Variants in MROH6 observed in about 807,000 individuals in gnomAD.
MROH6 encodes maestro heat like repeat family member 6.
MROH6 carries 62 observed loss-of-function variants against 67.7 expected under a neutral mutation model. That is an observed-to-expected ratio of 0.92 (90% confidence interval 0.75 to 1.13). MROH6 has a LOEUF of 1.13. Among genes scored for constraint, MROH6 ranks in the 50% most tolerant of loss-of-function variants. The probability of loss-of-function intolerance (pLI) is 0.00; values close to 1 mark genes in which losing one functional copy is unlikely to be tolerated. For missense variants in MROH6, 1,175 were observed against 1,029.1 expected, an observed-to-expected ratio of 1.14 and a Z score of -1.94; for synonymous variants, 566 against 470.8, an observed-to-expected ratio of 1.20 and a Z score of -2.62.
At chr8:143,568,499 G>A in intron 10 of MROH6, 53 bp downstream of exon 10, 2 of 1,472,402 alleles carry the variant, frequency 1.4e-6, no homozygotes, top group East Asian at 2.4e-5. Flanking sequence ...GGCACGGTGG[G>A]AGTGGTGAGT....
chr8:143,571,840 G>C lies in MROH6; in HGVS notation c.448-19C>G. ...CATGCACCTGGTGGGGAAGGGGGCA[G>C]ACTTCAGCAGTCAGGCCTCCTCCAC... On this transcript the variant is annotated intron_variant, in intron 2 of 13. Coordinates refer to ENST00000398882, the MANE Select transcript of MROH6 (RefSeq NM_001100878.2). 3 of 1,533,846 alleles carry C rather than the reference G, an allele frequency of 2.0e-6. No individual in the cohort carries two copies. The highest frequency in any genetic ancestry group is 2.6e-6 in the Non-Finnish European group (3 of 1,138,696).
Position 143,570,979 on chromosome 8 carries a change from G to A in MROH6, c.618C>T (p.Leu206=), listed in dbSNP as rs374609901. ...GCTGGTTACGGCTTAGGCTGCGCCA[G>A]AGCTCGGCTGCTACCCTGAGGGTTT... ...SLPADRVAAE[L]WRSLSRNQRV... The change falls in exon 4 of 14, where the codon CTC becomes CTT. Residue 206 remains leucine (L), a synonymous_variant. Coordinates refer to ENST00000398882, the MANE Select transcript of MROH6 (RefSeq NM_001100878.2). The A allele has an allele frequency of 7.1e-6, 11 of 1,548,790 alleles. No homozygotes were observed. The African/African-American group carries it at 1.4e-4, about 19-fold the overall frequency.
chr8:143,569,664 A>C, intron 8 of MROH6, 33 bp downstream of exon 8: 19 of 1,607,804 alleles, frequency 1.2e-5, no homozygotes, highest in Non-Finnish European at 1.4e-5. Flanking sequence ...CGACCGGGCC[A>C]AGCCCCTCTC....
chr8:143,572,085 A>G lies in MROH6; in HGVS notation c.395T>C (p.Val132Ala), dbSNP rs4874153. 1,308,940 of 1,612,074 alleles carry G rather than the reference A, an allele frequency of 0.81. 533,286 individuals are homozygous for G. The highest frequency in any genetic ancestry group is 0.87 in the East Asian group (38,864 of 44,850). ...EAGFAGTQAT[V>A]LTLSSALEAR... ...CTCCAGGGCTGAGGACAGGGTGAGC[A>G]CTGTCGCCTGGGTCCCTGCAAAGCC... is the stretch of plus-strand genomic sequence containing the variant. Residue 132 changes from valine to alanine, a missense_variant, in exon 2 of 14, where the codon GTG becomes GCG. By Grantham distance (64) the Val-to-Ala change is moderately conservative. Coordinates refer to ENST00000398882, the MANE Select transcript of MROH6 (RefSeq NM_001100878.2).
chr8:143,568,813 C>T, intron 9 of MROH6, 94 bp from the exon 10 acceptor site: 1 of 949,100 alleles, frequency 1.1e-6, no homozygotes, highest in Non-Finnish European at 1.5e-6. Context: ...AGCGGCGGGT[C>T]TAGGGAAGGC....
Position 143,572,661 on chromosome 8 carries a change from A to G in MROH6, c.54T>C (p.Ala18=). ...RSRAREAPVG[A]LTLTALTEGI... Reference sequence around the variant, plus strand: ...CTTCAGTCAGTGCTGTCAGGGTTAGAGCCCCCACGGGAGCCTCCCGGGCCC... The same window carrying G: ...CTTCAGTCAGTGCTGTCAGGGTTAGGGCCCCCACGGGAGCCTCCCGGGCCC... Residue 18 remains alanine (A), a synonymous_variant, in exon 1 of 14, where the codon GCT becomes GCC. Coordinates refer to ENST00000398882, the MANE Select transcript of MROH6 (RefSeq NM_001100878.2). 6.4e-7 allele frequency: 1 copy of G among 1,558,332 alleles called. No homozygotes were observed. The highest frequency in any genetic ancestry group is 8.7e-7 in the Non-Finnish European group (1 of 1,156,050).
At position 143,567,020 on chromosome 8, in the gene MROH6, G is replaced by C. The variant is rs1166197510; in HGVS notation, c.*219C>G. 2.9e-6 allele frequency: 1 copy of C among 343,414 alleles called. No individual in the cohort carries two copies. The highest frequency in any genetic ancestry group is 4.3e-5 in the East Asian group (1 of 23,386). The allele number at this position is 343,414 out of a possible 1,614,324, so 21.3% of individuals were successfully genotyped here. A position where few individuals can be genotyped will look rare whatever the true frequency, so the allele number is the denominator to read the frequency against. On this transcript the variant is annotated 3_prime_UTR_variant, in exon 14 of 14. Transcript: ENST00000398882. ...TGGGGCATGCTCCAGGGGGCTGTGA[G>C]AACAAGAGCCCTGACGGGGACAGAT... is the stretch of plus-strand genomic sequence containing the variant.
Position 143,572,450 on chromosome 8 carries a change from G to T in MROH6, c.265C>A (p.Leu89Met). The change falls in exon 1 of 14, where the codon CTG (leucine) becomes ATG (methionine). Residue 89 changes from leucine to methionine, a missense_variant. Transcript: ENST00000398882. Reference protein sequence around the residue: ...GSEPCSLNSALEPAPEGPHQV... With the variant: ...GSEPCSLNSAMEPAPEGPHQV... ...TGGGGCCCCTCAGGGGCTGGTTCCA[G>T]GGCACTGTTGAGGGAGCAGGGCTCG... 1 of 1,595,122 alleles carries T rather than the reference G, an allele frequency of 6.3e-7. No individual in the cohort carries two copies. Among genetic ancestry groups the T allele is most frequent in the South Asian group, 1.1e-5 (1 of 89,546 alleles).
At chr8:143,568,374 G>A (rs2130611068) in intron 10 of MROH6, 113 bp from the exon 11 acceptor site, 1 of 1,464,826 alleles carries the variant, frequency 6.8e-7, no homozygotes, top group Non-Finnish European at 9.1e-7. Flanking sequence ...GCCCAGGGCA[G>A]GAGACTGGAT....
intron 5 of MROH6, 44 bp downstream of exon 5, chr8:143,570,426 GTGA>G (rs770061064): frequency 6.4e-7 from 1 of 1,564,228 alleles, no homozygotes; most frequent in South Asian, 1.1e-5. Context: ...AGCTGAGAGG[GTGA>G]CAGCATGCTG....
intron 4 of MROH6, 49 bp from the exon 5 acceptor site, chr8:143,570,706 C>G: frequency 6.5e-7 from 1 of 1,547,638 alleles, no homozygotes; most frequent in East Asian, 2.3e-5. Flanking sequence ...TGGAGCTGCA[C>G]TGGGCAGCAG....
rs147292525 is a variant in MROH6, at chr8:143,566,693, G to T, written c.*546C>A. The T allele has an allele frequency of 1.2e-4, 18 of 152,446 alleles. No homozygotes were observed. Among genetic ancestry groups the T allele is most frequent in the Admixed American group, 3.9e-4 (6 of 15,302 alleles). The allele number at this position is 152,446 out of a possible 1,614,324, so 9.4% of individuals were successfully genotyped here. A position where few individuals can be genotyped will look rare whatever the true frequency, so the allele number is the denominator to read the frequency against. On this transcript the variant is annotated 3_prime_UTR_variant, in exon 14 of 14. Coordinates refer to ENST00000398882, the MANE Select transcript of MROH6 (RefSeq NM_001100878.2). ...CCCATGAGGCCTGACATAATGAACA[G>T]GGGGTGATGATGGCCTGGCTGAGAG... is the stretch of plus-strand genomic sequence containing the variant.
chr8:143,569,954 T>C lies in MROH6; in HGVS notation c.1155A>G (p.Thr385=), dbSNP rs115136852. 2.6e-5 allele frequency: 42 copies of C among 1,611,658 alleles called. 1 individual carries two copies. The African/African-American group carries it at 4.6e-4, about 18-fold the overall frequency. Residue 385 remains threonine, a synonymous_variant, in exon 7 of 14, where the codon ACA becomes ACG. Transcript: ENST00000398882. The part of the protein sequence containing the change: ...PQRLTAMAFF[T]GLLQSRPTAR... ...CCCATCCGGGAAGCAGGCTCACCCC[T>C]GTGAAGAAGGCCATAGCCGTGAGAC...
At chr8:143,570,794 C>T (rs972004115) in intron 4 of MROH6, 83 bp downstream of exon 4, 1 of 1,417,706 alleles carries the variant, frequency 7.1e-7, no homozygotes, top group Admixed American at 2.0e-5. Flanking sequence ...TACCTAGGTG[C>T]AAACTCCCTA....
At chr8:143,568,784 G>T in intron 9 of MROH6, 65 bp from the exon 10 acceptor site, 2 of 1,254,692 alleles carry the variant, frequency 1.6e-6, no homozygotes, top group Non-Finnish European at 1.1e-6. Flanking sequence ...GGGAGGGGGC[G>T]GCCAGCGCGG....
intron 6 of MROH6, 50 bp downstream of exon 6, chr8:143,570,193 C>A: frequency 6.4e-7 from 1 of 1,557,836 alleles, no homozygotes; most frequent in Non-Finnish European, 8.7e-7. Flanking sequence ...TGGCCAGCAA[C>A]GACTCTCTTC....
At chr8:143,569,884 A>G in intron 7 of MROH6, 44 bp from the exon 8 acceptor site, 1 of 1,610,202 alleles carries the variant, frequency 6.2e-7, no homozygotes. Flanking sequence ...GTCCCCGTGC[A>G]GGCCGCTGCG....
rs185437907 is a variant in MROH6, at chr8:143,571,103, G to C, written c.603-109C>G. 1,789 of 822,566 alleles carry C rather than the reference G, an allele frequency of 2.2e-3. 5 individuals are homozygous for C. The highest frequency in any genetic ancestry group is 3.1e-3 in the Non-Finnish European group (1,602 of 512,018). 51.0% of individuals were successfully genotyped at this position (822,566 alleles called of 1,614,324 possible). ...CAGCCAGTAGGACTCCAGCAGGGGA[G>C]GGGCAGGAAACCCCTCCCATCTCCC... On this transcript the variant is annotated intron_variant, in intron 3 of 13. Coordinates refer to ENST00000398882, the MANE Select transcript of MROH6 (RefSeq NM_001100878.2).
chr8:143,570,959 T>G lies in MROH6; in HGVS notation c.638A>C (p.Asn213Thr), dbSNP rs188278492. 1,215 of 1,548,718 alleles carry G rather than the reference T, an allele frequency of 7.8e-4. 5 individuals are homozygous for G. In the African/African-American group the frequency reaches 9.9e-3, roughly 13 times the overall value. The change falls in exon 4 of 14, where the codon AAC (asparagine) becomes ACC (threonine). Residue 213 changes from asparagine to threonine, a missense_variant. Transcript: ENST00000398882. ...CAGCACCTGCCCATTTACACGCTGG[T>G]TACGGCTTAGGCTGCGCCAGAGCTC... ...AAELWRSLSR[N>T]QRVNGQVLVQ...
Sources: gnomAD v4.1 joint callset for allele counts on GRCh38, gnomAD v4.1.1 for gene constraint, MANE v1.5 for transcripts, NCBI Gene and HGNC (gene_info 2026-07-23, HGNC 2026-07-21) for gene names.